Variants in DMD observed in about 807,000 individuals in gnomAD.
DMD encodes dystrophin.
In DMD, 63 loss-of-function variants were observed where a neutral mutation model predicts 330.1. The ratio of observed to expected loss-of-function variants is 0.19; its 90% CI spans 0.16 to 0.24. DMD has a LOEUF of 0.24. DMD is among the 10% of genes least tolerant of loss of function. The pLI is 1.00. For synonymous variants in DMD, 1,223 were observed against 959.8 expected (o/e 1.27, Z -5.07); for missense variants, 3,344 against 2,684.1 (o/e 1.25, Z -5.43).
At chrX:32,363,111 G>T (rs752868484) in intron 36 of DMD, among the ~76,000 whole-genome samples, 153 bp from the exon 37 acceptor site, 2 of 111,440 alleles carry the variant, frequency 1.8e-5, no homozygotes, top group South Asian at 7.6e-4. Context: ...AGCACATGCA[G>T]AAAATACAAA....
chrX:32,656,555 G>A, intron 9 of DMD, among the ~76,000 whole-genome samples: 1 of 112,136 alleles, frequency 8.9e-6, no homozygotes, highest in East Asian at 2.8e-4. Flanking sequence ...AAATGTATCT[G>A]TAAAAGCTTA....
chrX:32,345,737 T>C lies in DMD; in HGVS notation c.5586+206A>G, dbSNP rs922735133. Among the ~76,000 whole-genome samples the C allele has an allele frequency of 2.7e-5, 3 of 110,836 alleles. No individual in the cohort carries two copies. In the Admixed American group the frequency reaches 2.9e-4, roughly 11 times the overall value. ...TTCAATTACTACTTAGAAAAATATGTCTTTAAAAAGCCATAACTTTTAAGC... is the reference window on the plus strand; with the variant it reads ...TTCAATTACTACTTAGAAAAATATGCCTTTAAAAAGCCATAACTTTTAAGC... On this transcript the variant is annotated intron_variant, in intron 39 of 78. Transcript: ENST00000357033.
At chrX:32,311,866 C>A (rs2097563796) in intron 41 of DMD, among the ~76,000 whole-genome samples, 1 of 111,783 alleles carries the variant, frequency 8.9e-6, no homozygotes, top group African/African-American at 3.2e-5. Flanking sequence ...ACAAGTAACA[C>A]AAGCTTGTGT....
chrX:32,071,108 A>C (rs2096293868), intron 44 of DMD, among the ~76,000 whole-genome samples: 1 of 111,170 alleles, frequency 9.0e-6, no homozygotes, highest in African/African-American at 3.3e-5. Context: ...TATTGTGAAT[A>C]GTGCCGCAAT....
intron 60 of DMD, among the ~76,000 whole-genome samples, chrX:31,433,710 C>T (rs1950337490): frequency 9.0e-6 from 1 of 111,275 alleles, no homozygotes; most frequent in African/African-American, 3.3e-5. Flanking sequence ...CCACCCACCT[C>T]GACCTCCCAA....
intron 7 of DMD, among the ~76,000 whole-genome samples, chrX:32,778,394 A>T (rs2074385181): frequency 9.0e-6 from 1 of 111,597 alleles, no homozygotes; most frequent in Non-Finnish European, 1.9e-5. Context: ...CCCAAAGCTG[A>T]ACAGCCAAGT....
intron 2 of DMD, among the ~76,000 whole-genome samples, chrX:32,879,688 G>A (rs956826402): frequency 1.9e-5 from 2 of 105,963 alleles, no homozygotes; most frequent in African/African-American, 3.4e-5. Context: ...AATGCCTGAT[G>A]TTCATAATCT....
At chrX:32,261,680 A>G (rs1051623012) in intron 43 of DMD, among the ~76,000 whole-genome samples, 1 of 112,057 alleles carries the variant, frequency 8.9e-6, no homozygotes, top group African/African-American at 3.2e-5. Context: ...TACCCACAGA[A>G]GTTATACAGG....
chrX:32,408,207 A>C lies in DMD; in HGVS notation c.4233+3545T>G, dbSNP rs369775265. Among the ~76,000 whole-genome samples the C allele has an allele frequency of 6.2e-5, 7 of 112,092 alleles. No homozygotes were observed. In the East Asian group the frequency reaches 1.7e-3, roughly 27 times the overall value. ...ACACATGCTGTTACATCCTGGCAGC[A>C]TGCAGCTTTATTTTCTAAAAGTGTA... On this transcript the variant is annotated intron_variant, in intron 30 of 78. Coordinates refer to ENST00000357033, the MANE Select transcript of DMD (RefSeq NM_004006.3).
chrX:31,825,477 T>G (rs2092873045), intron 49 of DMD, among the ~76,000 whole-genome samples: 3 of 111,539 alleles, frequency 2.7e-5, no homozygotes, highest in African/African-American at 9.8e-5. Flanking sequence ...AGAATGAGGA[T>G]AAAGAGAGAT....
intron 52 of DMD, among the ~76,000 whole-genome samples, chrX:31,692,438 A>G (rs1479598223): frequency 9.0e-6 from 1 of 111,709 alleles, no homozygotes; most frequent in African/African-American, 3.2e-5. Flanking sequence ...TAAATGAAAT[A>G]GAGACTAGAG....
At chrX:31,187,717 C>CAGAGAGAG (rs55674554) in intron 67 of DMD, among the ~76,000 whole-genome samples, 12 of 66,869 alleles carry the variant, frequency 1.8e-4, no homozygotes, top group East Asian at 5.1e-4. Flanking sequence ...CCCAGATTCT[C>CAGAGAGAG]AGAGAGAGAG....
In DMD at chrX:32,762,865, C is replaced by T. The variant is rs959416073; in HGVS notation, c.649+46628G>A. ...CCTAATTAATGTAGTAAAAAGATAA[C>T]TTTGTATAATGCGAAGAACTGAGAG... On this transcript the variant is annotated intron_variant, in intron 7 of 78. Coordinates refer to ENST00000357033, the MANE Select transcript of DMD (RefSeq NM_004006.3). Among the ~76,000 whole-genome samples, 6 of 111,723 alleles carry T rather than the reference C, an allele frequency of 5.4e-5. No individual in the cohort carries two copies. In the Admixed American group the frequency reaches 5.7e-4, roughly 11 times the overall value.
At chrX:31,664,329 T>G (rs1200331656) in intron 53 of DMD, among the ~76,000 whole-genome samples, 1 of 111,497 alleles carries the variant, frequency 9.0e-6, no homozygotes. Context: ...CAATATGGGC[T>G]TATTGCTATA....
chrX:31,381,313 A>C (rs918387867), intron 60 of DMD, among the ~76,000 whole-genome samples: 8 of 111,335 alleles, frequency 7.2e-5, no homozygotes, highest in Non-Finnish European at 1.3e-4. Context: ...TTTTTATCCA[A>C]ACAACTTGAC....
intron 61 of DMD, among the ~76,000 whole-genome samples, chrX:31,329,363 TA>T (rs1023026873): frequency 9.0e-6 from 1 of 110,689 alleles, no homozygotes; most frequent in African/African-American, 3.3e-5. Flanking sequence ...CATTCAGCAT[TA>T]AAAAAAAGAA....
chrX:31,435,871 C>T (rs769630144), intron 60 of DMD, among the ~76,000 whole-genome samples: 1 of 111,416 alleles, frequency 9.0e-6, no homozygotes, highest in African/African-American at 3.3e-5. Context: ...GGGGCGGGGT[C>T]AAACTCCAGG....
At chrX:32,953,733 T>A (rs67221357) in intron 2 of DMD, among the ~76,000 whole-genome samples, 23,230 of 111,331 alleles carry the variant, frequency 0.21, 1,838 homozygotes, top group East Asian at 0.38. Context: ...TCAAAGCAGA[T>A]GGAATTTTCA....
At chrX:31,445,856 T>C (rs1053331419) in intron 59 of DMD, among the ~76,000 whole-genome samples, 5 of 112,183 alleles carry the variant, frequency 4.5e-5, no homozygotes, top group African/African-American at 9.7e-5. Flanking sequence ...TTTAACATGA[T>C]GCATGATGTC....
Sources: allele counts gnomAD v4.1 joint callset (sites outside exome capture counted in the v4.1 genomes callset), GRCh38; gene constraint gnomAD v4.1.1; transcripts MANE v1.5; gene names NCBI Gene and HGNC (gene_info 2026-07-23, HGNC 2026-07-21).